The following ETS1 variants were observed in gnomAD, a reference collection of about 807,000 sequenced individuals.
ETS1 encodes the protein protein C-ets-1.
In ETS1, 15 loss-of-function variants were observed where a neutral mutation model predicts 58.6. The ratio of observed to expected loss-of-function variants is 0.26; its 90% CI spans 0.17 to 0.39. ETS1 has a LOEUF of 0.39. Among genes scored for constraint, ETS1 ranks in the 10% least tolerant of loss-of-function variants. The pLI is 1.00. For missense variants in ETS1, 417 were observed against 610.5 expected (o/e 0.68, Z 3.34); for synonymous variants, 214 against 218.2 (o/e 0.98, Z 0.17).
chr11:128,571,793 A>G (rs936434184), intron 2 of ETS1: 1 of 152,216 alleles, frequency 6.6e-6, no homozygotes, highest in Non-Finnish European at 1.5e-5. Context: ...CTGTAATCCC[A>G]GCACTTTGGG....
intron 3 of ETS1, among the ~76,000 whole-genome samples, chr11:128,494,485 T>C (rs1383174633): frequency 2.0e-5 from 3 of 152,238 alleles, no homozygotes; most frequent in Admixed American, 6.5e-5. Flanking sequence ...AGTGGCATTT[T>C]GAATGCAGGG....
chr11:128,509,153 A>G (rs1863322365), intron 3 of ETS1, among the ~76,000 whole-genome samples: 2 of 152,248 alleles, frequency 1.3e-5, no homozygotes, highest in African/African-American at 4.8e-5. Flanking sequence ...ATTACAGAAG[A>G]GGATGGGTGG....
intron 1 of ETS1, among the ~76,000 whole-genome samples, chr11:128,580,537 G>A (rs567427100): frequency 6.6e-6 from 1 of 152,260 alleles, no homozygotes; most frequent in East Asian, 1.9e-4. Flanking sequence ...AAAAGAAAAA[G>A]GATTAGAAGA....
intron 1 of ETS1, among the ~76,000 whole-genome samples, chr11:128,577,185 A>G (rs577379679): frequency 6.6e-6 from 1 of 152,236 alleles, no homozygotes; most frequent in African/African-American, 2.4e-5. Context: ...CTAAAAATGT[A>G]AGAGGTAGAT....
chr11:128,566,123 GAGCT>G (rs1408548930), intron 2 of ETS1, among the ~76,000 whole-genome samples: 2 of 152,192 alleles, frequency 1.3e-5, no homozygotes, highest in African/African-American at 4.8e-5. Flanking sequence ...GGTGGCAAGG[GAGCT>G]GTTTCTCATG....
chr11:128,489,552 A>T, intron 4 of ETS1, 62 bp from the exon 5 acceptor site: 1 of 1,352,942 alleles, frequency 7.4e-7, no homozygotes, highest in Admixed American at 1.7e-5. Flanking sequence ...TCCAAGCCTC[A>T]GAGAGGACAC....
At chr11:128,546,745 G>A (rs999090696) in intron 3 of ETS1, among the ~76,000 whole-genome samples, 2 of 152,148 alleles carry the variant, frequency 1.3e-5, no homozygotes, top group East Asian at 3.9e-4. Context: ...TTGCAGGGGG[G>A]AAGGTGTTAG....
Position 128,462,090 on chromosome 11 carries a change from G to T in ETS1, c.*271C>A, listed in dbSNP as rs1861919201. On this transcript the variant is annotated 3_prime_UTR_variant, in exon 10 of 10. Coordinates refer to ENST00000392668, the MANE Select transcript of ETS1 (RefSeq NM_001143820.2). Reference sequence around the variant, plus strand: ...ACACATTAGTCTCTTTCTCTGTTAAGCCAGAGCCTTCAAGCTTCTGAGAAG... The same window carrying T: ...ACACATTAGTCTCTTTCTCTGTTAATCCAGAGCCTTCAAGCTTCTGAGAAG... 4.4e-6 allele frequency: 2 copies of T among 452,914 alleles called. No homozygotes were observed. The highest frequency in any genetic ancestry group is 8.0e-6 in the Non-Finnish European group (2 of 251,178). The allele number at this position is 452,914 out of a possible 1,614,324, so 28.1% of individuals were successfully genotyped here. A position where few individuals can be genotyped will look rare whatever the true frequency, so the allele number is the denominator to read the frequency against.
intron 3 of ETS1, among the ~76,000 whole-genome samples, chr11:128,507,470 T>A (rs1473189025): frequency 6.6e-6 from 1 of 152,158 alleles, no homozygotes; most frequent in Non-Finnish European, 1.5e-5. Context: ...TATACTGAAT[T>A]AGTCACTGGA....
intron 3 of ETS1, among the ~76,000 whole-genome samples, chr11:128,529,502 C>T (rs1863861408): frequency 6.6e-6 from 1 of 152,146 alleles, no homozygotes; most frequent in Non-Finnish European, 1.5e-5. Context: ...TTGTTTGTAT[C>T]TACTAATGGG....
chr11:128,568,195 G>T (rs1439970216), intron 2 of ETS1, among the ~76,000 whole-genome samples: 1 of 152,050 alleles, frequency 6.6e-6, no homozygotes, highest in Admixed American at 6.5e-5. Flanking sequence ...CCTAAAGCCC[G>T]CATGGCCAAA....
intron 2 of ETS1, among the ~76,000 whole-genome samples, chr11:128,560,262 G>T (rs1864384069): frequency 6.6e-6 from 1 of 152,138 alleles, no homozygotes; most frequent in South Asian, 2.1e-4. Context: ...AAAGGCATGT[G>T]CCACCATGCC....
At chr11:128,522,335 C>T (rs1009292177) in intron 3 of ETS1, 2 of 1,032,974 alleles carry the variant, frequency 1.9e-6, no homozygotes, top group Non-Finnish European at 1.2e-6. Flanking sequence ...TCCCTCTCGC[C>T]CTCCCGCGCT....
intron 2 of ETS1, among the ~76,000 whole-genome samples, chr11:128,564,341 G>A (rs1287455793): frequency 1.3e-5 from 2 of 152,186 alleles, no homozygotes; most frequent in African/African-American, 4.8e-5. Flanking sequence ...TAAGAGTAAT[G>A]GGCTTGGGCC....
At chr11:128,534,052 G>A (rs1164445246) in intron 3 of ETS1, among the ~76,000 whole-genome samples, 2 of 152,144 alleles carry the variant, frequency 1.3e-5, no homozygotes, top group Middle Eastern at 3.2e-3. Context: ...TTTATGACAT[G>A]GTTTTCTTTG....
chr11:128,560,798 A>T (rs1864393195), intron 2 of ETS1, among the ~76,000 whole-genome samples: 1 of 152,214 alleles, frequency 6.6e-6, no homozygotes, highest in African/African-American at 2.4e-5. Flanking sequence ...GAGCGTACAG[A>T]CAAGTAAACA....
chr11:128,501,650 C>A (rs1030930795), intron 3 of ETS1, among the ~76,000 whole-genome samples: 4 of 152,220 alleles, frequency 2.6e-5, no homozygotes, highest in African/African-American at 9.6e-5. Context: ...CCAGCAAGTA[C>A]TGATCCCCAT....
At chr11:128,477,313 G>C (rs1015041014) in intron 8 of ETS1, among the ~76,000 whole-genome samples, 1 of 152,238 alleles carries the variant, frequency 6.6e-6, no homozygotes, top group African/African-American at 2.4e-5. Context: ...CTGAGAAGGT[G>C]AGTGTGACTT....
At chr11:128,531,334 CTT>C (rs1863894065) in intron 3 of ETS1, among the ~76,000 whole-genome samples, 1 of 152,196 alleles carries the variant, frequency 6.6e-6, no homozygotes. Context: ...GTGCCAAGTG[CTT>C]TGCACTGTGC....
Sources: gnomAD v4.1 joint callset for allele counts (sites outside exome capture counted in the v4.1 genomes callset) on GRCh38, gnomAD v4.1.1 for gene constraint, MANE v1.5 for transcripts, NCBI Gene and HGNC (gene_info 2026-07-23, HGNC 2026-07-21) for gene names.